PCDHA1: variants seen among roughly 807,000 people sequenced by gnomAD.
The protein encoded by PCDHA1 is protocadherin alpha-1.
In PCDHA1, 42 loss-of-function variants were observed where a neutral mutation model predicts 61.3. The ratio of observed to expected loss-of-function variants is 0.69; its 90% CI spans 0.54 to 0.89. PCDHA1 has a LOEUF of 0.89. PCDHA1 is among the 40% of genes least tolerant of loss of function. The probability of loss-of-function intolerance (pLI) is 0.00; values close to 1 mark genes in which losing one functional copy is unlikely to be tolerated. For missense variants in PCDHA1, 1,256 were observed against 1,235.3 expected (o/e 1.02, Z -0.25); for synonymous variants, 610 against 553.8 (o/e 1.10, Z -1.43).
chr5:140,849,956 C>G (rs2150460065), intron 1 of PCDHA1: 1 of 1,597,918 alleles, frequency 6.3e-7, no homozygotes, highest in South Asian at 1.1e-5. Context: ...CGCAGGAGAA[C>G]GCCCTGGTGT....
In PCDHA1 at chr5:140,853,235, T is replaced by C. The variant is rs2150529918; in HGVS notation, c.2394+64551T>C. Reference sequence around the variant, plus strand: ...TTGATGGGATTGGTAATTTAGTCCTTCATATTAATCTCTATTCTCTCTCAG... The same window carrying C: ...TTGATGGGATTGGTAATTTAGTCCTCCATATTAATCTCTATTCTCTCTCAG... On this transcript the variant is annotated intron_variant, in intron 1 of 3. Coordinates refer to ENST00000504120, the MANE Select transcript of PCDHA1 (RefSeq NM_018900.4). 4 of 980,668 alleles carry C rather than the reference T, an allele frequency of 4.1e-6. No individual in the cohort carries two copies. In the East Asian group the frequency reaches 4.6e-4, roughly 112 times the overall value. The allele number at this position is 980,668 out of a possible 1,614,324, so 60.7% of individuals were successfully genotyped here. A position where few individuals can be genotyped will look rare whatever the true frequency, so the allele number is the denominator to read the frequency against.
At position 140,993,525 on chromosome 5, in the gene PCDHA1, G is replaced by C. The variant is rs573802745; in HGVS notation, c.2542+10962G>C. On this transcript the variant is annotated intron_variant, in intron 3 of 3. Coordinates refer to ENST00000504120, the MANE Select transcript of PCDHA1 (RefSeq NM_018900.4). Reference sequence around the variant, plus strand: ...ACACACACACGGGGAGAGAGAGACAGAGAGAGAGAGAGATAGAGAAGTGAA... The same window carrying C: ...ACACACACACGGGGAGAGAGAGACACAGAGAGAGAGAGATAGAGAAGTGAA... Among the ~76,000 whole-genome samples the C allele has an allele frequency of 4.8e-5, 7 of 147,308 alleles. No homozygotes were observed. The East Asian group carries it at 1.2e-3, about 24-fold the overall frequency.
rs2150206938 is a variant in PCDHA1, at chr5:140,833,198, G to A, written c.2394+44514G>A. ...ATGACTGCAAGGATTAAATGAAGGA[G>A]AATGAAATAGGAATGGACAGGTTAC... On this transcript the variant is annotated intron_variant, in intron 1 of 3. Coordinates refer to ENST00000504120, the MANE Select transcript of PCDHA1 (RefSeq NM_018900.4). 2.0e-5 allele frequency among the ~76,000 whole-genome samples: 3 copies of A among 152,116 alleles called. No homozygotes were observed. In the East Asian group the frequency reaches 5.8e-4, roughly 29 times the overall value.
chr5:140,884,609 G>C (rs1554181782), intron 1 of PCDHA1: 4 of 1,614,138 alleles, frequency 2.5e-6, no homozygotes, highest in African/African-American at 1.3e-5. Flanking sequence ...TCCTTGTCTG[G>C]GTTCTGCAGA....
In PCDHA1 at chr5:140,966,984, G is replaced by A. The variant is rs1217682338; in HGVS notation, c.2395-11965G>A. 4.4e-6 allele frequency: 7 copies of A among 1,603,802 alleles called. No individual in the cohort carries two copies. In the Admixed American group the frequency reaches 5.0e-5, roughly 11 times the overall value. Reference sequence around the variant, plus strand: ...CTGGGGCTTGAGCTGCGGCGCTTGGGGCCGGGTTGCTTGCGCATCAACCAT... The same window carrying A: ...CTGGGGCTTGAGCTGCGGCGCTTGGAGCCGGGTTGCTTGCGCATCAACCAT... On this transcript the variant is annotated intron_variant, in intron 1 of 3. Transcript: ENST00000504120.
chr5:140,871,719 T>G (rs1228976923), intron 1 of PCDHA1: 1 of 783,446 alleles, frequency 1.3e-6, no homozygotes, highest in East Asian at 2.9e-5. Flanking sequence ...CCTATTTCTC[T>G]TAATATTTGG....
rs6883852 is a variant in PCDHA1, at chr5:140,924,704, G to T, written c.2395-54245G>T. 8.9e-3 allele frequency among the ~76,000 whole-genome samples: 1,352 copies of T among 152,160 alleles called. 15 individuals are homozygous for T. Among genetic ancestry groups the T allele is most frequent in the African/African-American group, 0.032 (1,309 of 41,486 alleles). On this transcript the variant is annotated intron_variant, in intron 1 of 3. Coordinates refer to ENST00000504120, the MANE Select transcript of PCDHA1 (RefSeq NM_018900.4). ...GAGGTCAGGAGTTCGAGACCAGCTT[G>T]TGCAACATGGCGAAACCTCACCTCT...
chr5:140,902,953 C>G (rs549407032), intron 1 of PCDHA1, among the ~76,000 whole-genome samples: 1 of 152,162 alleles, frequency 6.6e-6, no homozygotes, highest in East Asian at 1.9e-4. Context: ...TCTTTATCCA[C>G]TTGTTGGCTG....
At chr5:140,821,734 GT>G in intron 1 of PCDHA1, 3 of 1,534,086 alleles carry the variant, frequency 2.0e-6, no homozygotes, top group South Asian at 1.2e-5. Flanking sequence ...AATACATTGT[GT>G]GGTGATGCAA....
chr5:140,791,655 C>G (rs558501717), intron 1 of PCDHA1, among the ~76,000 whole-genome samples: 1 of 152,048 alleles, frequency 6.6e-6, no homozygotes, highest in Non-Finnish European at 1.5e-5. Flanking sequence ...GACATCTGAC[C>G]GTTAAGCAGA....
intron 1 of PCDHA1, chr5:140,876,174 T>A: frequency 6.2e-7 from 1 of 1,613,934 alleles, no homozygotes; most frequent in Non-Finnish European, 8.5e-7. Context: ...CCGTCCTGGA[T>A]GTGAATGACA....
At chr5:140,982,214 TG>T in intron 2 of PCDHA1, 1 of 485,000 alleles carries the variant, frequency 2.1e-6, no homozygotes, top group Non-Finnish European at 3.3e-6. Flanking sequence ...GAGCGCCACA[TG>T]GCGTTAATAA....
At chr5:140,926,946 A>C in intron 1 of PCDHA1, 1 of 1,590,228 alleles carries the variant, frequency 6.3e-7, no homozygotes, top group Non-Finnish European at 8.6e-7. Context: ...GCGGCGCTGC[A>C]GCGGGACAGC....
rs2150380022 is a variant in PCDHA1, at chr5:140,845,577, T to A, written c.2394+56893T>A. 1.2e-4 allele frequency among the ~76,000 whole-genome samples: 18 copies of A among 149,706 alleles called. 1 individual carries two copies. The highest frequency in any genetic ancestry group is 6.9e-3 in the Middle Eastern group (2 of 290). On this transcript the variant is annotated intron_variant, in intron 1 of 3. Transcript: ENST00000504120. The stretch of plus-strand genomic sequence containing the variant: ...TTTTAGCTATTAAGAATTTCTGGGA[T>A]TGAAATGTGTCAGAAGTTAGTTATT...
At chr5:140,902,938 C>T (rs2069876653) in intron 1 of PCDHA1, among the ~76,000 whole-genome samples, 1 of 152,186 alleles carries the variant, frequency 6.6e-6, no homozygotes. Flanking sequence ...ATATATACCA[C>T]ATTTTCTTTA....
chr5:140,891,044 CA>C (rs1406159323), intron 1 of PCDHA1, among the ~76,000 whole-genome samples: 9 of 152,030 alleles, frequency 5.9e-5, no homozygotes, highest in African/African-American at 2.2e-4. Flanking sequence ...GTGTGACCCC[CA>C]CAGCACATAG....
At chr5:140,884,078 A>C (rs2059981897) in intron 1 of PCDHA1, 5 of 1,613,512 alleles carry the variant, frequency 3.1e-6, no homozygotes, top group Non-Finnish European at 4.2e-6. Flanking sequence ...TTCGGGCTAC[A>C]ATGCGTGGCT....
chr5:140,830,676 T>C (rs1348567838), intron 1 of PCDHA1: 2 of 357,974 alleles, frequency 5.6e-6, no homozygotes, highest in African/African-American at 4.3e-5. Flanking sequence ...AAATTAGAAA[T>C]CACTGTCCAC....
At chr5:140,835,661 C>T (rs782249131) in intron 1 of PCDHA1, 1 of 1,613,886 alleles carries the variant, frequency 6.2e-7, no homozygotes, top group Non-Finnish European at 8.5e-7. Context: ...TGGTGGTTAC[C>T]GCGCGGGACG....
Sources: gnomAD v4.1 joint callset for allele counts (sites outside exome capture counted in the v4.1 genomes callset) on GRCh38, gnomAD v4.1.1 for gene constraint, MANE v1.5 for transcripts, NCBI Gene and HGNC (gene_info 2026-07-23, HGNC 2026-07-21) for gene names.